CLTRN: variants seen among roughly 807,000 people sequenced by gnomAD.
CLTRN encodes the protein collectrin, amino acid transport regulator, also known as collectrin.
A neutral mutation model predicts 14.5 loss-of-function variants in CLTRN; 12 were observed. The ratio of observed to expected loss-of-function variants is 0.83; its 90% CI spans 0.53 to 1.34. The LOEUF is 1.34. CLTRN is among the 40% of genes most tolerant of loss of function. The pLI is 0.00. For synonymous variants in CLTRN, 58 were observed against 56.5 expected (o/e 1.03, Z -0.12); for missense variants, 154 against 165.1 (o/e 0.93, Z 0.37).
At chrX:15,663,125 T>C (rs1186407384) in intron 2 of CLTRN, among the ~76,000 whole-genome samples, 1 of 112,231 alleles carries the variant, frequency 8.9e-6, no homozygotes. Context: ...CGAAGTGCCC[T>C]TGTACTTCTT....
chrX:15,674,956 G>T, intron 1 of CLTRN: 1 of 114,594 alleles, frequency 8.7e-6, no homozygotes, highest in Non-Finnish European at 1.9e-5. Context: ...AGAAAAGAGA[G>T]GTGTGGAATG....
chrX:15,661,012 C>A (rs143279759), intron 2 of CLTRN, among the ~76,000 whole-genome samples: 3,503 of 111,939 alleles, frequency 0.031, 123 homozygotes, highest in African/African-American at 0.1. Context: ...TGGCATAGCT[C>A]TTTGTTTTTG....
At chrX:15,645,633 G>C (rs1467363932) in intron 3 of CLTRN, among the ~76,000 whole-genome samples, 1 of 112,238 alleles carries the variant, frequency 8.9e-6, no homozygotes, top group African/African-American at 3.2e-5. Context: ...TTCACCAGCA[G>C]TCTTTGAACT....
At chrX:15,652,245 A>G (rs759970076) in intron 3 of CLTRN, among the ~76,000 whole-genome samples, 2 of 112,180 alleles carry the variant, frequency 1.8e-5, no homozygotes, top group Admixed American at 9.4e-5. Flanking sequence ...TGAGCTAAAC[A>G]TGTCTTTTTA....
In CLTRN at chrX:15,627,834, T is replaced by G; in HGVS notation, c.*137A>C. ...GTGGGTATAATTGATTGCTTTTCAC[T>G]TTCAAGCACATTCAAAATTTATTAC... On this transcript the variant is annotated 3_prime_UTR_variant, in exon 6 of 6. Coordinates refer to ENST00000380342, the MANE Select transcript of CLTRN (RefSeq NM_020665.6). 2.2e-6 allele frequency: 1 copy of G among 458,346 alleles called. No individual in the cohort carries two copies. The highest frequency in any genetic ancestry group is 3.2e-6 in the Non-Finnish European group (1 of 311,011). The allele number at this position is 458,346 out of a possible 1,213,427, so 37.8% of individuals were successfully genotyped here.
At chrX:15,649,496 T>C (rs886822401) in intron 3 of CLTRN, among the ~76,000 whole-genome samples, 7 of 112,171 alleles carry the variant, frequency 6.2e-5, no homozygotes, top group Non-Finnish European at 1.1e-4. Flanking sequence ...AGTTTTTATT[T>C]TGAAATTTAC....
chrX:15,636,267 C>T (rs1928816947), intron 5 of CLTRN, among the ~76,000 whole-genome samples: 1 of 112,238 alleles, frequency 8.9e-6, no homozygotes, highest in South Asian at 3.7e-4. Context: ...CCCAGCACTA[C>T]TCACAACAGC....
intron 3 of CLTRN, among the ~76,000 whole-genome samples, chrX:15,649,672 C>A (rs1929170971): frequency 9.1e-6 from 1 of 110,483 alleles, no homozygotes; most frequent in Admixed American, 9.7e-5. Context: ...TCTCTCTTCC[C>A]CACCCTTTAA....
At chrX:15,663,980 C>G (rs1929566179) in intron 2 of CLTRN, among the ~76,000 whole-genome samples, 1 of 111,795 alleles carries the variant, frequency 8.9e-6, no homozygotes, top group Admixed American at 9.5e-5. Context: ...AAAATCGAGG[C>G]TAACAAAATT....
upstream of CLTRN, among the ~76,000 whole-genome samples, chrX:15,668,281 G>A (rs12009633): frequency 0.019 from 2,094 of 111,724 alleles, 47 homozygotes; most frequent in African/African-American, 0.062. Context: ...GGAATAAGAC[G>A]CACCCTTGTC....
chrX:15,631,473 A>G (rs765267590), intron 5 of CLTRN, among the ~76,000 whole-genome samples: 1 of 112,328 alleles, frequency 8.9e-6, no homozygotes, highest in African/African-American at 3.2e-5. Context: ...GAAGAAAAAT[A>G]ACAAAGAGCT....
chrX:15,664,626 C>T, intron 1 of CLTRN, 92 bp downstream of exon 1: 1 of 891,957 alleles, frequency 1.1e-6, no homozygotes, highest in Non-Finnish European at 1.6e-6. Flanking sequence ...AACATGTCTG[C>T]AGATTTAGAA....
intron 4 of CLTRN, 133 bp from the exon 5 acceptor site, chrX:15,639,889 G>A: frequency 1.5e-6 from 1 of 652,443 alleles, no homozygotes; most frequent in Non-Finnish European, 2.2e-6. Context: ...GAGACTTCAA[G>A]TTGACTAAAA....
chrX:15,653,386 T>C (rs1199581995), intron 3 of CLTRN, among the ~76,000 whole-genome samples: 1 of 110,903 alleles, frequency 9.0e-6, no homozygotes, highest in African/African-American at 3.3e-5. Context: ...CTCATCAGTC[T>C]TCTGCTTCTT....
chrX:15,642,873 G>A lies in CLTRN; in HGVS notation c.317+2043C>T, dbSNP rs1024755572. Among the ~76,000 whole-genome samples the A allele has an allele frequency of 3.9e-4, 43 of 109,316 alleles. 1 individual carries two copies. The highest frequency in any genetic ancestry group is 9.7e-4 in the African/African-American group (29 of 29,933). 94.9% of individuals were successfully genotyped at this position (109,316 alleles called of 115,157 possible). A position where few individuals can be genotyped will look rare whatever the true frequency, so the allele number is the denominator to read the frequency against. On this transcript the variant is annotated intron_variant, in intron 4 of 5. Coordinates refer to ENST00000380342, the MANE Select transcript of CLTRN (RefSeq NM_020665.6). ...TTTGGGAGTCTGAGGCAGGAGGATC[G>A]CCTGAGGCCAGTTCAAGGGCAGCCT...
intron 3 of CLTRN, among the ~76,000 whole-genome samples, chrX:15,657,387 A>C (rs982932385): frequency 8.9e-6 from 1 of 112,548 alleles, no homozygotes; most frequent in Non-Finnish European, 1.9e-5. Flanking sequence ...TTCTGAAGGA[A>C]GATATTTTAA....
At chrX:15,666,602 C>T (rs1193985878), upstream of CLTRN, among the ~76,000 whole-genome samples, 1 of 111,909 alleles carries the variant, frequency 8.9e-6, no homozygotes. Context: ...TTGTAAAGGA[C>T]CCACATCCAT....
chrX:15,640,734 T>C lies in CLTRN; in HGVS notation c.318-978A>G, dbSNP rs767811924. 7.1e-5 allele frequency among the ~76,000 whole-genome samples: 8 copies of C among 112,926 alleles called. No homozygotes were observed. In the South Asian group the frequency reaches 2.5e-3, roughly 36 times the overall value. Reference sequence around the variant, plus strand: ...AATTCACCAACTTGATCTTGATATTTTTTTCATTAATTCAACAAACATTTG... The same window carrying C: ...AATTCACCAACTTGATCTTGATATTCTTTTCATTAATTCAACAAACATTTG... On this transcript the variant is annotated intron_variant, in intron 4 of 5. Transcript: ENST00000380342.
upstream of CLTRN, chrX:15,675,170 T>C (rs1207858817): frequency 2.7e-5 from 3 of 112,471 alleles, no homozygotes; most frequent in East Asian, 8.5e-4. Flanking sequence ...GTGAAAGGCG[T>C]GGCGTAGTCG....
Sources: gnomAD v4.1 joint callset for allele counts (sites outside exome capture counted in the v4.1 genomes callset) on GRCh38, gnomAD v4.1.1 for gene constraint, MANE v1.5 for transcripts, NCBI Gene and HGNC (gene_info 2026-07-23, HGNC 2026-07-21) for gene names.